Variants in ADAM32 observed in about 807,000 individuals in gnomAD.
ADAM32 encodes disintegrin and metalloproteinase domain-containing protein 32.
In ADAM32, 89 loss-of-function variants were observed where a neutral mutation model predicts 114.9. That is an observed-to-expected ratio of 0.77 (90% confidence interval 0.65 to 0.92). ADAM32 has a LOEUF of 0.92. ADAM32 is among the 40% of genes least tolerant of loss of function. The probability of loss-of-function intolerance (pLI) is 0.00; values close to 1 mark genes in which losing one functional copy is unlikely to be tolerated. For missense variants in ADAM32, 870 were observed against 932.8 expected (o/e 0.93, Z 0.88); for synonymous variants, 285 against 307.5 (o/e 0.93, Z 0.77).
intron 16 of ADAM32, among the ~76,000 whole-genome samples, chr8:39,242,367 G>A (rs1050583031): frequency 2.6e-5 from 4 of 152,058 alleles, no homozygotes; most frequent in African/African-American, 7.3e-5. Context: ...CACTCTACTG[G>A]TACCAATTTA....
intron 14 of ADAM32, chr8:39,223,718 C>T (rs1268397243): frequency 6.6e-6 from 1 of 152,040 alleles, no homozygotes; most frequent in African/African-American, 2.4e-5. Flanking sequence ...ACTAAAGTCA[C>T]ATTGTTGTAC....
chr8:39,260,423 G>T (rs746862398), intron 19 of ADAM32, among the ~76,000 whole-genome samples: 5 of 152,086 alleles, frequency 3.3e-5, no homozygotes, highest in Non-Finnish European at 5.9e-5. Context: ...AACTTTTATT[G>T]ATAGCTTTTC....
chr8:39,171,227 G>A (rs961341864), intron 10 of ADAM32, among the ~76,000 whole-genome samples: 27 of 152,134 alleles, frequency 1.8e-4, no homozygotes, highest in Non-Finnish European at 3.7e-4. Context: ...TTACAGGCAT[G>A]AGCCACCATG....
chr8:39,261,360 T>A (rs1812017716), intron 19 of ADAM32, among the ~76,000 whole-genome samples: 1 of 152,220 alleles, frequency 6.6e-6, no homozygotes, highest in Non-Finnish European at 1.5e-5. Context: ...AACAACATAC[T>A]TCAGTTGCAT....
intron 2 of ADAM32, among the ~76,000 whole-genome samples, chr8:39,122,613 G>A (rs902341415): frequency 6.6e-6 from 1 of 152,214 alleles, no homozygotes; most frequent in African/African-American, 2.4e-5. Context: ...GTCTTCCTCT[G>A]TTGTCTAGGC....
At chr8:39,126,065 C>A (rs138482920) in intron 2 of ADAM32, among the ~76,000 whole-genome samples, 5 of 152,196 alleles carry the variant, frequency 3.3e-5, no homozygotes, top group African/African-American at 4.8e-5. Context: ...GTTACTGTAG[C>A]CTTGTAGTAG....
intron 10 of ADAM32, among the ~76,000 whole-genome samples, chr8:39,181,842 CA>C (rs376239372): frequency 8.0e-4 from 121 of 152,030 alleles, no homozygotes; most frequent in African/African-American, 2.8e-3. Flanking sequence ...CTGTGAGATG[CA>C]GTTACTAAGA....
At position 39,283,601 on chromosome 8, in the gene ADAM32, C is replaced by A. The variant is rs28705715; in HGVS notation, c.2334C>A (p.Asp778Glu). The A allele has an allele frequency of 0.02, 32,606 of 1,599,714 alleles. 4,752 individuals carry two copies. The African/African-American group carries it at 0.35, about 17-fold the overall frequency. The change falls in exon 24 of 25, where the codon GAC becomes GAA. Residue 778 changes from aspartate (D) to glutamate (E), a missense_variant. Coordinates refer to ENST00000379907, the MANE Select transcript of ADAM32 (RefSeq NM_145004.7). ...ATTTCCTTAGATCCAAATCACAGGACAGTACCCAAACACAAAGCAGTAGGT... is the reference window on the plus strand; with the variant it reads ...ATTTCCTTAGATCCAAATCACAGGAAAGTACCCAAACACAAAGCAGTAGGT... ...EAYTSRSKSQ[D>E]STQTQSSSN is the part of the protein sequence containing the mutation.
chr8:39,142,825 C>T (rs1416538695), intron 3 of ADAM32, among the ~76,000 whole-genome samples: 2 of 152,198 alleles, frequency 1.3e-5, no homozygotes, highest in Non-Finnish European at 2.9e-5. Context: ...TTCTCCCTGT[C>T]ACTTTCCGGT....
rs1045721576 is a variant in ADAM32 at position 39,253,262 on chromosome 8, A to C, written c.1903-1152A>C. Among the ~76,000 whole-genome samples, 6 of 151,596 alleles carry C rather than the reference A, an allele frequency of 4.0e-5. No individual in the cohort carries two copies. In the East Asian group the frequency reaches 1.2e-3, roughly 29 times the overall value. ...AATCCAACACCCTTTCATTATAAAA[A>C]CTCAATACGTTAGGAATAGCAGAAA... On this transcript the variant is annotated intron_variant, in intron 17 of 24. Transcript: ENST00000379907.
At chr8:39,113,220 T>C (rs752624193) in intron 1 of ADAM32, among the ~76,000 whole-genome samples, 4 of 152,132 alleles carry the variant, frequency 2.6e-5, no homozygotes, top group African/African-American at 4.8e-5. Context: ...TCAAAAGACA[T>C]GAATGGGGTC....
intron 3 of ADAM32, among the ~76,000 whole-genome samples, chr8:39,137,757 T>G: frequency 8.0e-6 from 1 of 124,490 alleles, no homozygotes; most frequent in Non-Finnish European, 1.7e-5. Flanking sequence ...GGTGACAGAG[T>G]GAGACACTGT....
intron 6 of ADAM32, chr8:39,157,867 G>T: frequency 3.7e-6 from 2 of 542,796 alleles, no homozygotes; most frequent in South Asian, 3.7e-5. Context: ...AAGTAGCCCT[G>T]ACTGATATTA....
chr8:39,171,259 A>G (rs1241067702), intron 10 of ADAM32, among the ~76,000 whole-genome samples: 1 of 152,094 alleles, frequency 6.6e-6, no homozygotes, highest in Non-Finnish European at 1.5e-5. Context: ...CTAGTATTCG[A>G]TAGCACAATA....
intron 6 of ADAM32, among the ~76,000 whole-genome samples, chr8:39,159,681 G>A (rs1804365200): frequency 6.6e-6 from 1 of 152,176 alleles, no homozygotes; most frequent in Non-Finnish European, 1.5e-5. Flanking sequence ...TATAAACACT[G>A]CCTTGGAGTC....
chr8:39,107,607 C>A, upstream of ADAM32: 1 of 1,447,786 alleles, frequency 6.9e-7, no homozygotes, highest in Non-Finnish European at 9.0e-7. Context: ...ACGCTGCGGG[C>A]CCTTCGTGTT....
At chr8:39,275,327 A>G (rs1364347927) in intron 21 of ADAM32, among the ~76,000 whole-genome samples, 2 of 152,178 alleles carry the variant, frequency 1.3e-5, no homozygotes, top group Non-Finnish European at 2.9e-5. Flanking sequence ...CTCTGTTACT[A>G]TCACTAGAAA....
intron 10 of ADAM32, among the ~76,000 whole-genome samples, chr8:39,172,993 C>T (rs1308357773): frequency 3.9e-5 from 6 of 152,238 alleles, no homozygotes; most frequent in Admixed American, 3.9e-4. Context: ...GCCGCAGTGG[C>T]TCACGCCTAT....
At chr8:39,169,889 A>G (rs1300088807) in intron 9 of ADAM32, 27 bp from the exon 10 acceptor site, 2 of 1,451,654 alleles carry the variant, frequency 1.4e-6, no homozygotes, top group Non-Finnish European at 1.9e-6. Flanking sequence ...GTTAAAATCA[A>G]TTATAAATGT....
Sources: gnomAD v4.1 joint callset for allele counts (sites outside exome capture counted in the v4.1 genomes callset) on GRCh38, gnomAD v4.1.1 for gene constraint, MANE v1.5 for transcripts, NCBI Gene and HGNC (gene_info 2026-07-23, HGNC 2026-07-21) for gene names.